Variants in DNAH11 observed in about 807,000 individuals in gnomAD.
The protein encoded by DNAH11 is dynein axonemal heavy chain 11, also known as axonemal beta dynein heavy chain 11.
A neutral mutation model predicts 526.0 loss-of-function variants in DNAH11; 442 were observed. The observed-to-expected ratio is 0.84, with a 90% CI of 0.78 to 0.91. The LOEUF (loss-of-function observed/expected upper bound fraction) is 0.91, where lower values mean the gene tolerates loss of function less well. Among genes scored for constraint, DNAH11 ranks in the 40% least tolerant of loss-of-function variants. The pLI, the probability that DNAH11 is intolerant of heterozygous loss-of-function variation, is 0.00. For missense variants in DNAH11, 6,989 were observed against 5,448.7 expected, an observed-to-expected ratio of 1.28 and a Z score of -8.90; for synonymous variants, 2,461 against 1,935.9, an observed-to-expected ratio of 1.27 and a Z score of -7.12.
chr7:21,819,382 G>A (rs1279799182), intron 65 of DNAH11, among the ~76,000 whole-genome samples: 1 of 152,018 alleles, frequency 6.6e-6, no homozygotes, highest in African/African-American at 2.4e-5. Flanking sequence ...AATCCATTTA[G>A]AGTGACTGAC....
intron 55 of DNAH11, among the ~76,000 whole-genome samples, chr7:21,770,339 A>G (rs145322832): frequency 6.6e-6 from 1 of 152,230 alleles, no homozygotes; most frequent in African/African-American, 2.4e-5. Flanking sequence ...ATTTTATATA[A>G]GATTTTGAAG....
chr7:21,707,618 G>T, intron 39 of DNAH11, 81 bp from the exon 40 acceptor site: 1 of 1,506,630 alleles, frequency 6.6e-7, no homozygotes. Flanking sequence ...AATGAATACG[G>T]AAAACTCTTC....
intron 45 of DNAH11, among the ~76,000 whole-genome samples, chr7:21,731,998 A>T (rs911248074): frequency 1.3e-5 from 2 of 152,214 alleles, no homozygotes; most frequent in Non-Finnish European, 1.5e-5. Flanking sequence ...AGGTATAGGA[A>T]AAAACAGTAT....
chr7:21,769,414 C>G (rs1207401766), intron 55 of DNAH11, among the ~76,000 whole-genome samples: 2 of 152,158 alleles, frequency 1.3e-5, no homozygotes, highest in African/African-American at 4.8e-5. Flanking sequence ...AGCAGCCACA[C>G]CATTCACACC....
At chr7:21,828,915 T>C (rs908451867) in intron 65 of DNAH11, among the ~76,000 whole-genome samples, 4 of 152,130 alleles carry the variant, frequency 2.6e-5, no homozygotes, top group African/African-American at 9.7e-5. Flanking sequence ...GACAATTAAC[T>C]CATTTCTATT....
chr7:21,554,919 A>G (rs186179066), intron 2 of DNAH11, among the ~76,000 whole-genome samples: 74 of 152,216 alleles, frequency 4.9e-4, no homozygotes, highest in African/African-American at 1.6e-3. Flanking sequence ...TAAAGGAGCA[A>G]TTGGTTCGAC....
In DNAH11 at chr7:21,765,455, C is replaced by A; in HGVS notation, c.8968C>A (p.Arg2990Ser). 1 of 1,613,788 alleles carries A rather than the reference C, an allele frequency of 6.2e-7. No individual in the cohort carries two copies. The highest frequency in any genetic ancestry group is 1.1e-5 in the South Asian group (1 of 91,042). The change falls in exon 55 of 82, where the codon CGC (arginine) becomes AGC (serine). Residue 2990 changes from arginine (R) to serine (S), a missense_variant. By Grantham distance (110) the Arg-to-Ser change is moderately radical. Coordinates refer to ENST00000409508, the MANE Select transcript of DNAH11 (RefSeq NM_001277115.2). ...CATTTTGTGTTTCTCTCCAGTTGGT[C>A]GCACGCTGAGAGTTAGAGCTCGGAA... ...KIILCFSPVG[R>S]TLRVRARKFP...
intron 2 of DNAH11, among the ~76,000 whole-genome samples, chr7:21,552,561 C>A (rs1388539192): frequency 3.3e-5 from 5 of 152,130 alleles, no homozygotes; most frequent in African/African-American, 1.2e-4. Context: ...GTTTCTGATA[C>A]CTCGGCCCTC....
chr7:21,739,730 G>A, intron 48 of DNAH11, 57 bp downstream of exon 48: 1 of 1,342,146 alleles, frequency 7.5e-7, no homozygotes, highest in South Asian at 1.3e-5. Context: ...TTGTTTTCGA[G>A]TACAGCTTAG....
At chr7:21,891,032 A>G (rs986691555) in intron 76 of DNAH11, among the ~76,000 whole-genome samples, 1 of 152,060 alleles carries the variant, frequency 6.6e-6, no homozygotes, top group Non-Finnish European at 1.5e-5. Flanking sequence ...CCTGGATTGC[A>G]GGTTTAAGAA....
intron 44 of DNAH11, among the ~76,000 whole-genome samples, chr7:21,721,730 C>A (rs564744363): frequency 6.6e-6 from 1 of 152,260 alleles, no homozygotes; most frequent in Admixed American, 6.5e-5. Flanking sequence ...TATCATCACA[C>A]TGTGGGGTAG....
chr7:21,623,451 C>T (rs1247458095), intron 25 of DNAH11, among the ~76,000 whole-genome samples: 1 of 152,212 alleles, frequency 6.6e-6, no homozygotes, highest in Non-Finnish European at 1.5e-5. Flanking sequence ...TTGACCCAGG[C>T]ATCCCATTAC....
At chr7:21,569,900 A>T (rs544310684) in intron 6 of DNAH11, among the ~76,000 whole-genome samples, 169 bp from the exon 7 acceptor site, 31 of 152,196 alleles carry the variant, frequency 2.0e-4, no homozygotes, top group Non-Finnish European at 3.8e-4. Flanking sequence ...CAAGTATGTC[A>T]TTGAAGTCCA....
At chr7:21,823,029 A>T (rs1390643812) in intron 65 of DNAH11, among the ~76,000 whole-genome samples, 2 of 135,370 alleles carry the variant, frequency 1.5e-5, no homozygotes, top group African/African-American at 5.8e-5. Flanking sequence ...TTAATCCTTG[A>T]TCAGAAGGAT....
At chr7:21,854,562 A>G (rs979595963) in intron 68 of DNAH11, 107 bp downstream of exon 68, 186 of 1,221,676 alleles carry the variant, frequency 1.5e-4, no homozygotes, top group Non-Finnish European at 1.9e-4. Context: ...TATTATTACT[A>G]TTATTGAGAC....
At chr7:21,818,657 T>C (rs1789921736) in intron 65 of DNAH11, among the ~76,000 whole-genome samples, 1 of 152,208 alleles carries the variant, frequency 6.6e-6, no homozygotes, top group Non-Finnish European at 1.5e-5. Flanking sequence ...CAGAACACCT[T>C]GAATAGGGCT....
At chr7:21,867,570 G>A (rs1197340026) in intron 71 of DNAH11, among the ~76,000 whole-genome samples, 1 of 152,146 alleles carries the variant, frequency 6.6e-6, no homozygotes, top group African/African-American at 2.4e-5. Flanking sequence ...GGGGATTTGG[G>A]GGATACAAAG....
rs1178187217 is a variant in DNAH11, at chr7:21,600,085, G to A, written c.2966G>A (p.Arg989Gln). The A allele has an allele frequency of 4.5e-6, 7 of 1,566,648 alleles. No homozygotes were observed. Among genetic ancestry groups the A allele is most frequent in the South Asian group, 3.7e-5 (3 of 82,028 alleles). Residue 989 changes from arginine to glutamine, a missense_variant, in exon 15 of 82, where the codon CGA becomes CAA. Coordinates refer to ENST00000409508, the MANE Select transcript of DNAH11 (RefSeq NM_001277115.2). ...TTTAGAATGTCTGCCCAGATGAACC[G>A]AATAGCAACACACCTGGAAATTAAA... ...NSFRMSAQMN[R>Q]IATHLEIKNY...
intron 30 of DNAH11, among the ~76,000 whole-genome samples, chr7:21,659,400 A>G (rs1338704539): frequency 6.6e-6 from 1 of 151,762 alleles, no homozygotes; most frequent in East Asian, 1.9e-4. Flanking sequence ...CAGCAAGAGC[A>G]AATATTTTCA....
Sources: gnomAD v4.1 joint callset for allele counts (sites outside exome capture counted in the v4.1 genomes callset) on GRCh38, gnomAD v4.1.1 for gene constraint, MANE v1.5 for transcripts, NCBI Gene and HGNC (gene_info 2026-07-23, HGNC 2026-07-21) for gene names.